TRAPPC9: variants seen among roughly 807,000 people sequenced by gnomAD.
The protein encoded by TRAPPC9 is trafficking protein particle complex subunit 9, also known as IKK2 binding protein.
TRAPPC9 carries 83 observed loss-of-function variants against 124.0 expected under a neutral mutation model. That is an observed-to-expected ratio of 0.67 (90% confidence interval 0.56 to 0.80). The LOEUF (loss-of-function observed/expected upper bound fraction) is 0.80, where lower values mean the gene tolerates loss of function less well. TRAPPC9 is among the 30% of genes least tolerant of loss of function. TRAPPC9 has a pLI of 0.00. For missense variants in TRAPPC9, 1,302 were observed against 1,508.3 expected (o/e 0.86, Z 2.27); for synonymous variants, 638 against 617.5 (o/e 1.03, Z -0.49).
At chr8:140,442,339 C>T (rs745746688) in intron 2 of TRAPPC9, among the ~76,000 whole-genome samples, 2 of 152,128 alleles carry the variant, frequency 1.3e-5, no homozygotes, top group Non-Finnish European at 2.9e-5. Flanking sequence ...GTGGCTTACA[C>T]CTGTAATCCC....
chr8:140,289,675 T>C (rs555689717), intron 12 of TRAPPC9, among the ~76,000 whole-genome samples: 44 of 110,944 alleles, frequency 4.0e-4, no homozygotes, highest in Admixed American at 2.5e-3. Context: ...GAAAGCTACA[T>C]TTTAAGACCA....
At chr8:140,302,511 T>A (rs1378155129) in intron 10 of TRAPPC9, among the ~76,000 whole-genome samples, 1 of 152,140 alleles carries the variant, frequency 6.6e-6, no homozygotes, top group Non-Finnish European at 1.5e-5. Context: ...GGATAAAGTG[T>A]CCAAGACAAG....
intron 21 of TRAPPC9, chr8:139,806,220 A>C (rs1824047227): frequency 6.6e-6 from 1 of 152,218 alleles, no homozygotes; most frequent in Admixed American, 6.5e-5. Flanking sequence ...AATCAAAGGG[A>C]GCAGCAGATC....
chr8:139,732,106 C>A lies in TRAPPC9; in HGVS notation c.3152G>T (p.Ser1051Ile). The A allele has an allele frequency of 6.2e-7, 1 of 1,606,844 alleles. No homozygotes were observed. The highest frequency in any genetic ancestry group is 8.5e-7 in the Non-Finnish European group (1 of 1,177,106). ...GGCGAAGGGCCCTACGCTGCGCGGG[C>A]TCCGGTTGGTCAGCCGCACCTCCAG... is the stretch of plus-strand genomic sequence containing the variant. ...VRLEVRLTNR[S>I]PRSVGPFALT... The change falls in exon 22 of 23, where the codon AGC becomes ATC. Residue 1051 changes from serine (S) to isoleucine (I), a missense_variant. Ser to Ile is a moderately radical substitution (Grantham distance 142, BLOSUM62 -2). Around this residue, in one of 3 missense-constraint regions of TRAPPC9, gnomAD observed 640 missense variants for 679.3 expected, o/e 0.94. Transcript: ENST00000438773.
chr8:140,086,263 G>C lies in TRAPPC9; in HGVS notation c.2557-62184C>G, dbSNP rs73725394. ...GGAGGATGAAGAAGGAGGGGAGAGA[G>C]GAGATGGTGGGAGAGGAAGAAGGAC... On this transcript the variant is annotated intron_variant, in intron 17 of 22. Transcript: ENST00000438773. Among the ~76,000 whole-genome samples, 683 of 152,300 alleles carry C rather than the reference G, an allele frequency of 4.5e-3. 4 individuals carry two copies. Among genetic ancestry groups the C allele is most frequent in the African/African-American group, 0.016 (646 of 41,556 alleles).
intron 19 of TRAPPC9, among the ~76,000 whole-genome samples, chr8:139,977,594 G>A (rs1210947102): frequency 1.4e-5 from 2 of 145,042 alleles, no homozygotes; most frequent in Non-Finnish European, 3.0e-5. Context: ...CTCCAGCCTG[G>A]GCGACAGAGT....
At chr8:140,451,440 T>C (rs2132708159) in intron 1 of TRAPPC9, 57 bp from the exon 2 acceptor site, 1 of 1,454,886 alleles carries the variant, frequency 6.9e-7, no homozygotes, top group Admixed American at 1.8e-5. Context: ...GCTGAGAGCC[T>C]ACCCTGGGAG....
chr8:140,349,366 C>CTGAA (rs1472447530), intron 9 of TRAPPC9, among the ~76,000 whole-genome samples: 13 of 86,924 alleles, frequency 1.5e-4, no homozygotes, highest in Admixed American at 3.6e-4. Context: ...GGGAAGGGCG[C>CTGAA]GCGAGGGAAG....
chr8:140,415,992 C>T (rs996214437), intron 5 of TRAPPC9, among the ~76,000 whole-genome samples: 2 of 151,410 alleles, frequency 1.3e-5, no homozygotes, highest in Non-Finnish European at 2.9e-5. Flanking sequence ...ATGTCAACAA[C>T]CTAAGAAACT....
chr8:140,282,365 T>C (rs570971178), intron 14 of TRAPPC9, among the ~76,000 whole-genome samples: 46 of 152,028 alleles, frequency 3.0e-4, no homozygotes, highest in African/African-American at 1.1e-3. Context: ...TAGCTGGGCG[T>C]GGTGGCGGGT....
chr8:140,092,142 T>G (rs944779919), intron 17 of TRAPPC9, among the ~76,000 whole-genome samples: 4 of 151,498 alleles, frequency 2.6e-5, no homozygotes, highest in Non-Finnish European at 5.9e-5. Flanking sequence ...AGTTATGTAC[T>G]CTACTAATAA....
chr8:140,004,288 T>C (rs1172814970), intron 18 of TRAPPC9, among the ~76,000 whole-genome samples: 1 of 152,192 alleles, frequency 6.6e-6, no homozygotes, highest in East Asian at 1.9e-4. Context: ...AAGCTATCTG[T>C]GTTGCTCATT....
chr8:140,448,708 T>C (rs2071352811), intron 2 of TRAPPC9, among the ~76,000 whole-genome samples: 1 of 152,170 alleles, frequency 6.6e-6, no homozygotes, highest in Non-Finnish European at 1.5e-5. Context: ...GTGCACACCA[T>C]ACAGCAACAC....
intron 21 of TRAPPC9, among the ~76,000 whole-genome samples, chr8:139,754,457 C>T (rs1483330607): frequency 6.6e-6 from 1 of 152,208 alleles, no homozygotes; most frequent in Non-Finnish European, 1.5e-5. Flanking sequence ...CAGCTGGGTG[C>T]TGCCTTCCAA....
intron 20 of TRAPPC9, among the ~76,000 whole-genome samples, chr8:139,906,593 G>A (rs1224234037): frequency 6.6e-6 from 1 of 152,164 alleles, no homozygotes; most frequent in African/African-American, 2.4e-5. Context: ...GGATTGGGAA[G>A]GAGAGAGGAA....
chr8:139,796,773 A>G lies in TRAPPC9; in HGVS notation c.3056-64571T>C, dbSNP rs1370134107. ...CTCCTGGGTATATATCCAGAAGTAG[A>G]AGTTCTGGGTCATACGGTAACTTTA... On this transcript the variant is annotated intron_variant, in intron 21 of 22. Coordinates refer to ENST00000438773, the MANE Select transcript of TRAPPC9 (RefSeq NM_001160372.4). 2.6e-5 allele frequency among the ~76,000 whole-genome samples: 4 copies of G among 152,212 alleles called. 1 individual carries two copies. The East Asian group carries it at 7.7e-4, about 29-fold the overall frequency.
chr8:140,079,336 A>T (rs1310061650), intron 17 of TRAPPC9, among the ~76,000 whole-genome samples: 1 of 152,274 alleles, frequency 6.6e-6, no homozygotes, highest in East Asian at 1.9e-4. Flanking sequence ...TCAGACTTTG[A>T]ATGGGTGACA....
intron 17 of TRAPPC9, among the ~76,000 whole-genome samples, chr8:140,051,565 C>T (rs1425338878): frequency 7.5e-6 from 1 of 133,688 alleles, no homozygotes; most frequent in African/African-American, 3.0e-5. Flanking sequence ...CACAGGAAAA[C>T]ATTGTTCATT....
chr8:139,869,788 A>T (rs1362723532), intron 21 of TRAPPC9, among the ~76,000 whole-genome samples: 3 of 152,252 alleles, frequency 2.0e-5, no homozygotes, highest in South Asian at 4.1e-4. Flanking sequence ...TTACCATAGG[A>T]AGTTTTTTTA....
Sources: gnomAD v4.1 joint callset for allele counts (sites outside exome capture counted in the v4.1 genomes callset) on GRCh38, gnomAD v4.1.1 for gene constraint, gnomAD v4.1.1 regional missense constraint, MANE v1.5 for transcripts, NCBI Gene and HGNC (gene_info 2026-07-23, HGNC 2026-07-21) for gene names.